The following EPHB1 variants were observed in gnomAD, a reference collection of about 807,000 sequenced individuals.
The protein encoded by EPHB1 is ephrin type-B receptor 1.
In EPHB1, 30 loss-of-function variants were observed where a neutral mutation model predicts 94.4. That is an observed-to-expected ratio of 0.32 (90% CI 0.24 to 0.43). EPHB1 has a LOEUF of 0.43. Among genes scored for constraint, EPHB1 ranks in the 20% least tolerant of loss-of-function variants. The probability of loss-of-function intolerance (pLI) is 1.00; values close to 1 mark genes in which losing one functional copy is unlikely to be tolerated. For missense variants in EPHB1, 1,055 were observed against 1,308.3 expected (o/e 0.81, Z 2.99); for synonymous variants, 522 against 489.1 (o/e 1.07, Z -0.89).
At position 135,190,562 on chromosome 3, in the gene EPHB1, C is replaced by CATATATACACACAT. The variant is rs147690889; in HGVS notation, c.1883-2009_1883-2008insTACACACATATATA. ...ATCTAGACATATATACATACATCCA[C>CATATATACACACAT]ATATACACACACATATGTGACAGGT... is the stretch of plus-strand genomic sequence containing the variant. On this transcript the variant is annotated intron_variant, in intron 10 of 15. Coordinates refer to ENST00000398015, the MANE Select transcript of EPHB1 (RefSeq NM_004441.5). 3.3e-5 allele frequency among the ~76,000 whole-genome samples: 5 copies of CATATATACACACAT among 152,022 alleles called. 1 individual carries two copies. Among genetic ancestry groups the CATATATACACACAT allele is most frequent in the African/African-American group, 1.2e-4 (5 of 41,466 alleles).
intron 1 of EPHB1, among the ~76,000 whole-genome samples, chr3:134,891,163 T>A (rs1050848371): frequency 1.3e-5 from 2 of 152,190 alleles, no homozygotes; most frequent in African/African-American, 4.8e-5. Context: ...GGGAGTGCAA[T>A]GACATGATCT....
At chr3:134,995,032 T>C (rs1934944446) in intron 3 of EPHB1, among the ~76,000 whole-genome samples, 2 of 151,036 alleles carry the variant, frequency 1.3e-5, no homozygotes, top group East Asian at 3.9e-4. Context: ...ATCTGTTCAG[T>C]TTTATCACAT....
chr3:135,179,666 G>A lies in EPHB1; in HGVS notation c.1760-194G>A, dbSNP rs573971671. ...ATATGGAGGAGAAGTAGAGGACAGAGAATCAGTCTAGAATGACCCAGAAGG... is the reference window on the plus strand; with the variant it reads ...ATATGGAGGAGAAGTAGAGGACAGAAAATCAGTCTAGAATGACCCAGAAGG... On this transcript the variant is annotated intron_variant, in intron 9 of 15. Coordinates refer to ENST00000398015, the MANE Select transcript of EPHB1 (RefSeq NM_004441.5). 5.9e-5 allele frequency among the ~76,000 whole-genome samples: 9 copies of A among 152,292 alleles called. No homozygotes were observed. In the South Asian group the frequency reaches 1.7e-3, roughly 28 times the overall value.
intron 3 of EPHB1, among the ~76,000 whole-genome samples, chr3:135,088,212 C>A (rs1938429922): frequency 6.6e-6 from 1 of 152,078 alleles, no homozygotes; most frequent in African/African-American, 2.4e-5. Flanking sequence ...AATGTCCCCA[C>A]CCCCTTAGAT....
At chr3:135,210,516 C>T (rs1161287831) in intron 12 of EPHB1, among the ~76,000 whole-genome samples, 1 of 152,102 alleles carries the variant, frequency 6.6e-6, no homozygotes, top group African/African-American at 2.4e-5. Context: ...CATGAAGGAG[C>T]CCAGTTTGCC....
intron 1 of EPHB1, among the ~76,000 whole-genome samples, chr3:134,910,895 T>G (rs2038439530): frequency 6.6e-6 from 1 of 152,226 alleles, no homozygotes; most frequent in South Asian, 2.1e-4. Context: ...AGTGGTCATG[T>G]GGTACAACAG....
At chr3:135,054,432 G>C (rs1937288737) in intron 3 of EPHB1, among the ~76,000 whole-genome samples, 1 of 152,054 alleles carries the variant, frequency 6.6e-6, no homozygotes, top group African/African-American at 2.4e-5. Flanking sequence ...TCAAAGTTCA[G>C]AGAACTCTGA....
At chr3:135,067,291 T>C (rs530847466) in intron 3 of EPHB1, among the ~76,000 whole-genome samples, 3 of 151,106 alleles carry the variant, frequency 2.0e-5, no homozygotes, top group Admixed American at 2.0e-4. Flanking sequence ...GCTACCAGAG[T>C]GGGTAGGGAA....
At chr3:134,924,739 T>C (rs40440) in intron 1 of EPHB1, among the ~76,000 whole-genome samples, 19,088 of 152,258 alleles carry the variant, frequency 0.13, 1,717 homozygotes, top group Admixed American at 0.23. Context: ...TAGCTATTGG[T>C]ATACACAACA....
chr3:134,819,304 T>A (rs917520203), intron 1 of EPHB1, among the ~76,000 whole-genome samples: 2 of 152,092 alleles, frequency 1.3e-5, no homozygotes, highest in Non-Finnish European at 2.9e-5. Flanking sequence ...CTCCCATTTG[T>A]GCATAGGTGT....
intron 12 of EPHB1, among the ~76,000 whole-genome samples, chr3:135,205,695 A>G (rs1418906835): frequency 6.6e-6 from 1 of 152,196 alleles, no homozygotes; most frequent in African/African-American, 2.4e-5. Context: ...AGATTCTGGA[A>G]TTAATATCTT....
intron 5 of EPHB1, among the ~76,000 whole-genome samples, chr3:135,143,141 T>C (rs1940884262): frequency 6.6e-6 from 1 of 151,398 alleles, no homozygotes. Flanking sequence ...ACAGGGGAGT[T>C]TCCTGATTTG....
intron 12 of EPHB1, among the ~76,000 whole-genome samples, chr3:135,232,877 C>T (rs993438574): frequency 6.6e-6 from 1 of 152,150 alleles, no homozygotes; most frequent in East Asian, 1.9e-4. Context: ...GGGGGGAAAA[C>T]TCCTTATAAA....
In EPHB1 at chr3:134,988,515, G is replaced by A. The variant is rs111238416; in HGVS notation, c.805+36463G>A. 4.9e-3 allele frequency among the ~76,000 whole-genome samples: 741 copies of A among 152,102 alleles called. 10 individuals carry two copies. The highest frequency in any genetic ancestry group is 0.017 in the African/African-American group (686 of 41,482). ...ATAAATTGTGTCTTGAAATGCTAAC[G>A]GCCCTAATAAGAGCATCCACAGTAA... On this transcript the variant is annotated intron_variant, in intron 3 of 15. Transcript: ENST00000398015.
intron 3 of EPHB1, among the ~76,000 whole-genome samples, chr3:135,085,580 T>A (rs1938330218): frequency 6.6e-6 from 1 of 152,268 alleles, no homozygotes; most frequent in African/African-American, 2.4e-5. Context: ...TCAGATGGAA[T>A]CTGCCTCTCT....
At chr3:135,041,323 G>T (rs1174584836) in intron 3 of EPHB1, among the ~76,000 whole-genome samples, 1 of 152,164 alleles carries the variant, frequency 6.6e-6, no homozygotes, top group Non-Finnish European at 1.5e-5. Flanking sequence ...AGTACCACTG[G>T]GATGCTGGGA....
At chr3:134,887,109 G>A (rs1213623668) in intron 1 of EPHB1, among the ~76,000 whole-genome samples, 14 of 152,172 alleles carry the variant, frequency 9.2e-5, no homozygotes, top group Admixed American at 3.9e-4. Context: ...TGGCCAGGTC[G>A]TTTCTCTTCT....
intron 1 of EPHB1, among the ~76,000 whole-genome samples, chr3:134,896,429 T>C (rs1578178338): frequency 6.6e-6 from 1 of 152,202 alleles, no homozygotes; most frequent in African/African-American, 2.4e-5. Context: ...ACAGAAACAC[T>C]GAGACCATGC....
chr3:134,894,515 G>A (rs2038049316), intron 1 of EPHB1, among the ~76,000 whole-genome samples: 1 of 152,218 alleles, frequency 6.6e-6, no homozygotes, highest in Non-Finnish European at 1.5e-5. Flanking sequence ...CTGAAAGCCT[G>A]TGTTCTCTGT....
Sources: allele counts gnomAD v4.1 joint callset (sites outside exome capture counted in the v4.1 genomes callset), GRCh38; gene constraint gnomAD v4.1.1; transcripts MANE v1.5; gene names NCBI Gene and HGNC (gene_info 2026-07-23, HGNC 2026-07-21).